The following SLC38A9 variants were observed in gnomAD, a reference collection of about 807,000 sequenced individuals.
The protein encoded by SLC38A9 is solute carrier family 38 member 9, also known as neutral amino acid transporter 9.
A neutral mutation model predicts 62.3 loss-of-function variants in SLC38A9; 48 were observed. The observed-to-expected ratio is 0.77, with a 90% CI of 0.61 to 0.98. The LOEUF is 0.98. Among genes scored for constraint, SLC38A9 ranks in the 50% least tolerant of loss-of-function variants. The pLI, the probability that SLC38A9 is intolerant of heterozygous loss-of-function variation, is 0.00. For synonymous variants in SLC38A9, 204 were observed against 227.7 expected (o/e 0.90, Z 0.94); for missense variants, 541 against 679.8 (o/e 0.80, Z 2.27).
intron 2 of SLC38A9, among the ~76,000 whole-genome samples, chr5:55,709,529 C>T (rs1757722926): frequency 6.6e-6 from 1 of 151,496 alleles, no homozygotes. Context: ...TAACAGTTAG[C>T]TATGACAGTG....
At chr5:55,672,916 T>C (rs1751548979) in intron 3 of SLC38A9, 2 of 285,254 alleles carry the variant, frequency 7.0e-6, no homozygotes, top group Non-Finnish European at 1.1e-5. Flanking sequence ...TAAGCACACT[T>C]TTTTTGTAAT....
At chr5:55,632,466 C>A (rs200853637) in intron 14 of SLC38A9, among the ~76,000 whole-genome samples, 6,361 of 152,088 alleles carry the variant, frequency 0.042, 192 homozygotes, top group African/African-American at 0.091. Context: ...ACAACAACAA[C>A]AAAAACTGCA....
intron 2 of SLC38A9, among the ~76,000 whole-genome samples, chr5:55,698,496 G>T (rs1756221966): frequency 6.6e-6 from 1 of 152,064 alleles, no homozygotes; most frequent in Non-Finnish European, 1.5e-5. Context: ...CCAAAGTAAG[G>T]AATTATTATA....
chr5:55,628,413 A>G (rs1016756864), intron 14 of SLC38A9, among the ~76,000 whole-genome samples: 1 of 152,232 alleles, frequency 6.6e-6, no homozygotes, highest in African/African-American at 2.4e-5. Flanking sequence ...TTACCTTGTC[A>G]GGTAAAATAC....
chr5:55,635,199 A>G (rs113380630), intron 13 of SLC38A9: 6,586 of 246,534 alleles, frequency 0.027, 118 homozygotes, highest in African/African-American at 0.044. Context: ...GTGGTTTTAT[A>G]ACTACATGAG....
At chr5:55,650,126 T>C (rs1332255871) in intron 10 of SLC38A9, among the ~76,000 whole-genome samples, 2 of 152,116 alleles carry the variant, frequency 1.3e-5, no homozygotes, top group Non-Finnish European at 2.9e-5. Context: ...AGAAGCCAAA[T>C]ACATGAACAA....
intron 3 of SLC38A9, among the ~76,000 whole-genome samples, chr5:55,676,979 A>G (rs1752194430): frequency 6.6e-6 from 1 of 152,218 alleles, no homozygotes; most frequent in South Asian, 2.1e-4. Flanking sequence ...TTTCACACAC[A>G]TGGATTCAAA....
At chr5:55,653,878 C>T (rs1341655375) in intron 9 of SLC38A9, among the ~76,000 whole-genome samples, 3 of 152,122 alleles carry the variant, frequency 2.0e-5, no homozygotes, top group African/African-American at 4.8e-5. Context: ...AGGCTGGTCA[C>T]GAACTCTTGA....
chr5:55,651,389 A>ACAGGCAC (rs745952144), intron 10 of SLC38A9, among the ~76,000 whole-genome samples: 1 of 151,578 alleles, frequency 6.6e-6, no homozygotes, highest in Non-Finnish European at 1.5e-5. Context: ...AGCTGGGATT[A>ACAGGCAC]CAGGCACCAG....
chr5:55,645,306 C>T (rs537076422), intron 12 of SLC38A9, among the ~76,000 whole-genome samples: 14 of 152,212 alleles, frequency 9.2e-5, no homozygotes, highest in African/African-American at 3.4e-4. Context: ...CTTCCTGCCT[C>T]GGACTCCCAA....
intron 13 of SLC38A9, chr5:55,634,314 C>T (rs28403149): frequency 0.048 from 7,475 of 154,746 alleles, 310 homozygotes; most frequent in African/African-American, 0.11. Context: ...TCTGGCTCTG[C>T]TGCTTTCCTC....
intron 2 of SLC38A9, among the ~76,000 whole-genome samples, chr5:55,699,508 G>C (rs768749078): frequency 6.6e-6 from 1 of 152,108 alleles, no homozygotes; most frequent in Non-Finnish European, 1.5e-5. Context: ...ACAACAAACA[G>C]TGAGTCAAAA....
intron 13 of SLC38A9, chr5:55,635,233 A>G (rs1315958518): frequency 6.1e-6 from 2 of 328,072 alleles, no homozygotes; most frequent in Admixed American, 4.5e-5. Context: ...AGTTCCCCAC[A>G]AAAAGAGAAA....
chr5:55,686,223 A>G (rs1042908936), intron 3 of SLC38A9, among the ~76,000 whole-genome samples: 3 of 152,208 alleles, frequency 2.0e-5, no homozygotes, highest in Non-Finnish European at 4.4e-5. Context: ...TAATGGCTCA[A>G]CTAATTTACA....
At chr5:55,665,569 C>G (rs1166178123) in intron 7 of SLC38A9, among the ~76,000 whole-genome samples, 1 of 147,084 alleles carries the variant, frequency 6.8e-6, no homozygotes, top group Non-Finnish European at 1.5e-5. Context: ...AGAAAAAAAA[C>G]AAAAGAAAGA....
chr5:55,635,763 C>T (rs1157138927), intron 12 of SLC38A9, 106 bp from the exon 13 acceptor site: 2 of 692,020 alleles, frequency 2.9e-6, no homozygotes, highest in Admixed American at 2.6e-5. Flanking sequence ...GTCTTTTTAC[C>T]TTGTACATGT....
chr5:55,700,740 C>A (rs1182867254), intron 2 of SLC38A9, among the ~76,000 whole-genome samples: 2 of 152,084 alleles, frequency 1.3e-5, no homozygotes, highest in African/African-American at 4.8e-5. Flanking sequence ...CATTGGTAAC[C>A]CCAAGGGTTA....
intron 3 of SLC38A9, among the ~76,000 whole-genome samples, chr5:55,684,264 C>A (rs768777258): frequency 1.3e-5 from 2 of 152,112 alleles, no homozygotes; most frequent in Non-Finnish European, 2.9e-5. Flanking sequence ...TTCTTAATTT[C>A]CAATCATCTT....
At chr5:55,647,498 C>A (rs1746604042) in intron 11 of SLC38A9, among the ~76,000 whole-genome samples, 1 of 151,938 alleles carries the variant, frequency 6.6e-6, no homozygotes, top group Non-Finnish European at 1.5e-5. Context: ...GAATCAAGCA[C>A]TAGCTCTAAA....
Sources: gnomAD v4.1 joint callset for allele counts (sites outside exome capture counted in the v4.1 genomes callset) on GRCh38, gnomAD v4.1.1 for gene constraint, MANE v1.5 for transcripts, NCBI Gene and HGNC (gene_info 2026-07-23, HGNC 2026-07-21) for gene names.